TENM2: variants seen among roughly 807,000 people sequenced by gnomAD.
The protein encoded by TENM2 is teneurin transmembrane protein 2.
In TENM2, 52 loss-of-function variants were observed where a neutral mutation model predicts 245.2. The ratio of observed to expected loss-of-function variants is 0.21; its 90% CI spans 0.17 to 0.27. The LOEUF (loss-of-function observed/expected upper bound fraction) is 0.27. TENM2 is among the 10% of genes least tolerant of loss of function. TENM2 has a pLI of 1.00. For synonymous variants in TENM2, 1,363 were observed against 1,438.9 expected (o/e 0.95, Z 1.19); for missense variants, 3,046 against 3,666.8 (o/e 0.83, Z 4.37).
intron 2 of TENM2, among the ~76,000 whole-genome samples, chr5:167,616,334 G>A (rs897428804): frequency 6.6e-6 from 1 of 152,062 alleles, no homozygotes; most frequent in African/African-American, 2.4e-5. Flanking sequence ...TAAATTTGAT[G>A]GGGTGTGAAC....
At chr5:167,066,121 T>G in the TENM2 span, among the ~76,000 whole-genome samples, 1 of 151,790 alleles carries the variant, frequency 6.6e-6, no homozygotes, top group Non-Finnish European at 1.5e-5. Flanking sequence ...TATCAAGGAG[T>G]GAATATGATG....
At chr5:167,845,239 C>CCACA (rs55784312) in intron 2 of TENM2, among the ~76,000 whole-genome samples, 121 of 96,984 alleles carry the variant, frequency 1.2e-3, no homozygotes, top group East Asian at 8.6e-3. Context: ...CCCTCCCGCG[C>CCACA]CACACACACA....
chr5:166,990,459 A>G, the TENM2 span, among the ~76,000 whole-genome samples: 1 of 152,182 alleles, frequency 6.6e-6, no homozygotes, highest in African/African-American at 2.4e-5. Flanking sequence ...CAATAAAATA[A>G]TCCGGCTGGC....
At chr5:168,217,916 A>G (rs555384944) in intron 22 of TENM2, among the ~76,000 whole-genome samples, 1 of 152,324 alleles carries the variant, frequency 6.6e-6, no homozygotes, top group African/African-American at 2.4e-5. Flanking sequence ...GTGACACGGT[A>G]GAAAATATAT....
intron 12 of TENM2, 77 bp downstream of exon 14, chr5:168,127,043 A>T: frequency 8.1e-7 from 1 of 1,241,492 alleles, no homozygotes; most frequent in Non-Finnish European, 1.1e-6. Context: ...TCCTTCAGGG[A>T]CACAAGTGCT....
At chr5:168,155,229 C>T (rs1757048781) in intron 12 of TENM2, among the ~76,000 whole-genome samples, 1 of 152,176 alleles carries the variant, frequency 6.6e-6, no homozygotes, top group Non-Finnish European at 1.5e-5. Flanking sequence ...CCCCGATCTC[C>T]AACACCTCAG....
At chr5:167,185,905 G>A in the TENM2 span, among the ~76,000 whole-genome samples, 3 of 152,046 alleles carry the variant, frequency 2.0e-5, no homozygotes, top group African/African-American at 4.8e-5. Flanking sequence ...TTGTACACAC[G>A]AAATTACTAC....
exon 25 of TENM2, chr5:168,228,074 C>A (rs1318739131): frequency 6.2e-7 from 1 of 1,613,666 alleles, no homozygotes; most frequent in Non-Finnish European, 8.5e-7. Context: ...CATTGAGTGG[C>A]GCCTAAGAAA....
intron 2 of TENM2, among the ~76,000 whole-genome samples, chr5:167,809,220 A>G (rs1482605133): frequency 1.3e-5 from 2 of 152,156 alleles, no homozygotes; most frequent in Non-Finnish European, 2.9e-5. Flanking sequence ...AGTTTCATCC[A>G]GAGAAAATTC....
chr5:167,748,588 T>G (rs1312847705), intron 2 of TENM2, among the ~76,000 whole-genome samples: 3 of 143,036 alleles, frequency 2.1e-5, no homozygotes, highest in Non-Finnish European at 4.9e-5. Context: ...ATTTTCACAT[T>G]GCTATTAAGA....
the TENM2 span, among the ~76,000 whole-genome samples, chr5:167,007,185 C>T: frequency 2.0e-5 from 3 of 152,150 alleles, no homozygotes; most frequent in South Asian, 4.1e-4. The surrounding 1 kb of genome is among the most constrained non-coding windows in gnomAD (Gnocchi z 4.2). Flanking sequence ...ACACAGATTT[C>T]CATTTCCTTT....
At chr5:168,031,915 C>T (rs1787186175) in intron 5 of TENM2, among the ~76,000 whole-genome samples, 1 of 152,166 alleles carries the variant, frequency 6.6e-6, no homozygotes, top group South Asian at 2.1e-4. Flanking sequence ...AGGTCTGCTG[C>T]TTCCAAAGCT....
At chr5:167,063,905 CT>C in the TENM2 span, among the ~76,000 whole-genome samples, 2 of 152,292 alleles carry the variant, frequency 1.3e-5, no homozygotes, top group African/African-American at 4.8e-5. Flanking sequence ...TAGAATTCAA[CT>C]TTTTCTCCCT....
chr5:167,785,320 G>A (rs1764499355), intron 2 of TENM2, among the ~76,000 whole-genome samples: 1 of 152,116 alleles, frequency 6.6e-6, no homozygotes, highest in Admixed American at 6.5e-5. Context: ...CTATTAATAT[G>A]CATTTCATTT....
intron 2 of TENM2, among the ~76,000 whole-genome samples, chr5:167,737,037 G>A (rs765047651): frequency 3.3e-5 from 5 of 152,178 alleles, no homozygotes; most frequent in Admixed American, 3.3e-4. Flanking sequence ...GAAGCAGTCC[G>A]CCTCACACCT....
chr5:167,268,693 G>A, the TENM2 span, among the ~76,000 whole-genome samples: 1 of 152,096 alleles, frequency 6.6e-6, no homozygotes, highest in African/African-American at 2.4e-5. Context: ...TGAAACACAG[G>A]CATGCCCATT....
chr5:167,058,976 T>A, the TENM2 span, among the ~76,000 whole-genome samples: 1 of 152,172 alleles, frequency 6.6e-6, no homozygotes, highest in Non-Finnish European at 1.5e-5. Context: ...CTGCTACTAT[T>A]AAGTTGTTTG....
the TENM2 span, among the ~76,000 whole-genome samples, chr5:167,187,687 T>A: frequency 6.6e-6 from 1 of 152,120 alleles, no homozygotes; most frequent in Non-Finnish European, 1.5e-5. Flanking sequence ...ACTCCTTGTG[T>A]TCCTCCTCCT....
intron 2 of TENM2, among the ~76,000 whole-genome samples, chr5:167,680,036 C>T (rs913792808): frequency 2.0e-4 from 30 of 151,986 alleles, no homozygotes; most frequent in African/African-American, 7.3e-4. Flanking sequence ...AACTCCTTAC[C>T]CTGTGTCTTT....
Sources: allele counts gnomAD v4.1 joint callset (sites outside exome capture counted in the v4.1 genomes callset), GRCh38; gene constraint gnomAD v4.1.1; non-coding constraint Gnocchi (gnomAD v3.1); transcripts MANE v1.5; gene names NCBI Gene and HGNC (gene_info 2026-07-23, HGNC 2026-07-21).